GREB1: variants seen among roughly 807,000 people sequenced by gnomAD.
GREB1 encodes growth regulating estrogen receptor binding 1, also known as protein GREB1.
GREB1 carries 106 observed loss-of-function variants against 200.7 expected under a neutral mutation model. The ratio of observed to expected loss-of-function variants is 0.53; its 90% CI spans 0.45 to 0.62. The LOEUF (loss-of-function observed/expected upper bound fraction) is 0.62, where lower values mean the gene tolerates loss of function less well. Ranked by LOEUF, GREB1 falls within the 20% of genes least tolerant of loss-of-function variation. The pLI, the probability that GREB1 is intolerant of heterozygous loss-of-function variation, is 0.00. For missense variants in GREB1, 2,243 were observed against 2,556.8 expected (o/e 0.88, Z 2.65); for synonymous variants, 1,132 against 1,092.4 (o/e 1.04, Z -0.72).
chr2:11,562,436 G>A (rs1274447226), intron 2 of GREB1, 27 bp from the exon 3 acceptor site: 2 of 1,611,034 alleles, frequency 1.2e-6, no homozygotes, highest in Middle Eastern at 1.7e-4. Flanking sequence ...CAGCTGCCTT[G>A]CTCATCACTC....
chr2:11,611,666 C>T, intron 18 of GREB1, among the ~76,000 whole-genome samples: 1 of 152,086 alleles, frequency 6.6e-6, no homozygotes, highest in Admixed American at 6.6e-5. Flanking sequence ...CTCTGCCATG[C>T]CCAGGGCAGT....
chr2:11,569,096 T>C (rs563337074), intron 4 of GREB1, among the ~76,000 whole-genome samples: 256 of 152,334 alleles, frequency 1.7e-3, no homozygotes, highest in African/African-American at 5.8e-3. Context: ...GTATTTTATC[T>C]GAAAAAGCTG....
At chr2:11,522,621 G>A (rs1321930951) in intron 1 of GREB1, among the ~76,000 whole-genome samples, 1 of 152,160 alleles carries the variant, frequency 6.6e-6, no homozygotes, top group East Asian at 1.9e-4. Context: ...CGTGGCAGGT[G>A]TGGTTCAACT....
chr2:11,504,978 C>G (rs1466592605), intron 1 of GREB1, among the ~76,000 whole-genome samples: 2 of 152,188 alleles, frequency 1.3e-5, no homozygotes, highest in Non-Finnish European at 2.9e-5. Flanking sequence ...TGTTGCCAGG[C>G]TGGAGTGCAG....
In GREB1 at chr2:11,538,685, CT is replaced by C. The variant is rs1224593373; in HGVS notation, c.-162+4434del. ...TCTTTCTTTCTTTCTTTCTTTCTTTCTTTCCTTCCTCCCTCCCTCCCTCCCT... is the reference window on the plus strand; with the variant it reads ...TCTTTCTTTCTTTCTTTCTTTCTTTCTTCCTTCCTCCCTCCCTCCCTCCCT... On this transcript the variant is annotated intron_variant, in intron 1 of 32. Transcript: ENST00000381486. Among the ~76,000 whole-genome samples the C allele has an allele frequency of 1.0e-3, 56 of 56,080 alleles. 5 individuals carry two copies. In the East Asian group the frequency reaches 0.011, roughly 11 times the overall value. 36.8% of individuals were successfully genotyped at this position (56,080 alleles called of 152,430 possible).
At chr2:11,534,007 T>C (rs1196399904), upstream of GREB1, 3 of 152,150 alleles carry the variant, frequency 2.0e-5, no homozygotes, top group Non-Finnish European at 4.4e-5. Context: ...TTTAAAAAGA[T>C]AAAAACCTAA....
intron 6 of GREB1, among the ~76,000 whole-genome samples, chr2:11,578,707 C>T (rs1324357830): frequency 6.6e-6 from 1 of 152,158 alleles, no homozygotes; most frequent in Non-Finnish European, 1.5e-5. Context: ...CCCACCCCAA[C>T]CCCCGCACAG....
chr2:11,484,939 G>A (rs1672617167), intron 1 of GREB1, among the ~76,000 whole-genome samples: 1 of 152,092 alleles, frequency 6.6e-6, no homozygotes, highest in Non-Finnish European at 1.5e-5. Flanking sequence ...TCCGCCTCCC[G>A]GGTTCACGCC....
chr2:11,495,184 G>C (rs930499983), intron 1 of GREB1, among the ~76,000 whole-genome samples: 1 of 152,204 alleles, frequency 6.6e-6, no homozygotes, highest in African/African-American at 2.4e-5. Flanking sequence ...TCACTGGGAA[G>C]AAGATTGGTG....
rs778186236 is a variant in GREB1, at chr2:11,556,693, C to T, written c.79C>T (p.Arg27Trp). ...VLHNSIEASL[R>W]SNNLVPRPIF... is the part of the protein sequence containing the mutation. ...GCACAATTCCATCGAGGCATCCCTG[C>T]GGTCCAACAACCTGGTGCCCAGGCC... The change falls in exon 2 of 33, where the codon CGG becomes TGG. Residue 27 changes from arginine to tryptophan, a missense_variant. Physicochemically the swap from Arg to Trp is moderately radical, Grantham distance 101. Around this residue, in one of 3 missense-constraint regions of GREB1, gnomAD observed 1,178 missense variants for 1,387.4 expected, o/e 0.85. Coordinates refer to ENST00000381486, the MANE Select transcript of GREB1 (RefSeq NM_014668.4). The T allele has an allele frequency of 8.7e-6, 14 of 1,613,486 alleles. No homozygotes were observed. The highest frequency in any genetic ancestry group is 2.7e-5 in the African/African-American group (2 of 74,916).
At chr2:11,502,605 ATTTG>A (rs1673078667) in intron 1 of GREB1, among the ~76,000 whole-genome samples, 1 of 151,898 alleles carries the variant, frequency 6.6e-6, no homozygotes, top group Non-Finnish European at 1.5e-5. Context: ...GTTTATCTTT[ATTTG>A]GATAAACTAC....
rs376103746 is a variant in GREB1 at position 11,588,786 on chromosome 2, C to T, written c.1200C>T (p.Asp400=). The change falls in exon 10 of 33, where the codon GAC becomes GAT. Residue 400 remains aspartate (D), a synonymous_variant. Transcript: ENST00000381486. ...CTTACCTCTGTGGGAACCTGAATGA[C>T]GTCGTGGTCAGCCCCCTCTTGTACA... ...NFPYLCGNLN[D]VVVSPLLYTC... The T allele has an allele frequency of 2.1e-4, 343 of 1,614,192 alleles. 1 individual carries two copies. Among genetic ancestry groups the T allele is most frequent in the Non-Finnish European group, 2.6e-4 (308 of 1,179,998 alleles).
intron 4 of GREB1, among the ~76,000 whole-genome samples, chr2:11,572,156 T>G (rs1227706029): frequency 6.6e-6 from 1 of 152,270 alleles, no homozygotes; most frequent in Non-Finnish European, 1.5e-5. Flanking sequence ...CAAGTGGCCC[T>G]CTGCGCAGGG....
chr2:11,541,684 A>G (rs1349143568), intron 1 of GREB1, among the ~76,000 whole-genome samples: 1 of 152,126 alleles, frequency 6.6e-6, no homozygotes, highest in Non-Finnish European at 1.5e-5. Context: ...AGCCGCAGGA[A>G]TCTCAAACAC....
chr2:11,591,451 A>G (rs1471507431), intron 10 of GREB1: 2 of 720,150 alleles, frequency 2.8e-6, no homozygotes, highest in African/African-American at 3.5e-5. Context: ...AAGAGAAAAT[A>G]CCAGAAGGAA....
Position 11,629,873 on chromosome 2 carries a change from C to A in GREB1, c.4450-75C>A. ...GACTGTGAGCTGCACGTTGTCACAG[C>A]AGAGTGGGCCTGGGGTCTTCTGGGA... is the stretch of plus-strand genomic sequence containing the variant. On this transcript the variant is annotated intron_variant, in intron 25 of 32. Coordinates refer to ENST00000381486, the MANE Select transcript of GREB1 (RefSeq NM_014668.4). The surrounding 1 kb of genome is among the most constrained non-coding windows in gnomAD (Gnocchi z 5.2). The A allele has an allele frequency of 1.4e-6, 2 of 1,446,380 alleles. No individual in the cohort carries two copies. Among genetic ancestry groups the A allele is most frequent in the South Asian group, 1.2e-5 (1 of 81,220 alleles). 89.6% of individuals were successfully genotyped at this position (1,446,380 alleles called of 1,614,324 possible). A position where few individuals can be genotyped will look rare whatever the true frequency, so the allele number is the denominator to read the frequency against.
chr2:11,552,833 A>C (rs367797207), intron 1 of GREB1, among the ~76,000 whole-genome samples: 2 of 151,904 alleles, frequency 1.3e-5, no homozygotes, highest in South Asian at 4.2e-4. Context: ...AACACGGTGA[A>C]ACCCCGTCTC....
intron 32 of GREB1, among the ~76,000 whole-genome samples, chr2:11,639,019 A>G (rs1276289306): frequency 1.3e-5 from 2 of 152,186 alleles, no homozygotes; most frequent in Non-Finnish European, 2.9e-5. Flanking sequence ...CTGTTTGGGT[A>G]GAGGCAAGAC....
At chr2:11,488,061 C>T (rs946445528) in intron 1 of GREB1, among the ~76,000 whole-genome samples, 3 of 152,188 alleles carry the variant, frequency 2.0e-5, no homozygotes, top group African/African-American at 7.2e-5. Context: ...CTTCCTTTGA[C>T]GTTGACTTTA....
Sources: gnomAD v4.1 joint callset for allele counts (sites outside exome capture counted in the v4.1 genomes callset) on GRCh38, gnomAD v4.1.1 for gene constraint, gnomAD v4.1.1 regional missense constraint, Gnocchi (gnomAD v3.1) non-coding constraint, MANE v1.5 for transcripts, NCBI Gene and HGNC (gene_info 2026-07-23, HGNC 2026-07-21) for gene names.